Variants in ZNF680 observed in about 807,000 individuals in gnomAD.
The protein encoded by ZNF680 is zinc finger protein 680.
In ZNF680, 6 loss-of-function variants were observed where a neutral mutation model predicts 12.1. That is an observed-to-expected ratio of 0.49 (90% CI 0.27 to 0.98). The LOEUF (loss-of-function observed/expected upper bound fraction) is 0.98, where lower values mean the gene tolerates loss of function less well. Among genes scored for constraint, ZNF680 ranks in the 50% least tolerant of loss-of-function variants. ZNF680 has a pLI of 0.12. For synonymous variants in ZNF680, 170 were observed against 199.3 expected, an observed-to-expected ratio of 0.85 and a Z score of 1.24; for missense variants, 561 against 616.3, an observed-to-expected ratio of 0.91 and a Z score of 0.95.
chr7:64,557,859 G>A (rs969594047), intron 1 of ZNF680, among the ~76,000 whole-genome samples: 2 of 152,192 alleles, frequency 1.3e-5, no homozygotes, highest in Non-Finnish European at 2.9e-5. Context: ...CCTAGTTGAG[G>A]GTGGTGGGTA....
intron 3 of ZNF680, among the ~76,000 whole-genome samples, chr7:64,532,861 T>C (rs1785959498): frequency 1.3e-5 from 2 of 152,238 alleles, no homozygotes; most frequent in Admixed American, 6.5e-5. Flanking sequence ...GATGCAGAGA[T>C]GGTTTAATAT....
chr7:64,546,549 C>T (rs140701380), intron 1 of ZNF680, among the ~76,000 whole-genome samples: 2,678 of 152,278 alleles, frequency 0.018, 85 homozygotes, highest in African/African-American at 0.06. Context: ...CGAGACCAGC[C>T]TGGGCAACAT....
rs1786864413 is a variant in ZNF680 at position 64,547,841 on chromosome 7, G to T, written c.31-3409C>A. Among the ~76,000 whole-genome samples, 4 of 152,130 alleles carry T rather than the reference G, an allele frequency of 2.6e-5. No individual in the cohort carries two copies. In the South Asian group the frequency reaches 8.3e-4, roughly 32 times the overall value. On this transcript the variant is annotated intron_variant, in intron 1 of 3. Transcript: ENST00000309683. Reference sequence around the variant, plus strand: ...GTTTTTATAAAAATAAAAAATTAAGGCCCTAAAATAAATATTTTTCCCATT... The same window carrying T: ...GTTTTTATAAAAATAAAAAATTAAGTCCCTAAAATAAATATTTTTCCCATT...
At chr7:64,512,537 C>G in the ZNF680 span, among the ~76,000 whole-genome samples, 1 of 151,586 alleles carries the variant, frequency 6.6e-6, no homozygotes, top group Non-Finnish European at 1.5e-5. Context: ...ATTCTTGGTC[C>G]ATTCATAAAA....
At chr7:64,555,111 A>T (rs941287133) in intron 1 of ZNF680, among the ~76,000 whole-genome samples, 10 of 152,230 alleles carry the variant, frequency 6.6e-5, no homozygotes, top group African/African-American at 2.4e-4. Flanking sequence ...AGACCCTGTT[A>T]GATTATTAGG....
chr7:64,522,370 A>G lies in ZNF680; in HGVS notation c.384T>C (p.Ser128=), dbSNP rs745386176. 1 of 1,612,280 alleles carries G rather than the reference A, an allele frequency of 6.2e-7. No individual in the cohort carries two copies. Among genetic ancestry groups the G allele is most frequent in the South Asian group, 1.1e-5 (1 of 90,696 alleles). ...CTTTGAACACCTTAGACTCATCCAC[A>G]CTTTTACAACTTATTCTTAATTGTA... ...ENLQLRISCK[S]VDESKVFKEG... Residue 128 remains serine (S), a synonymous_variant, in exon 4 of 4, where the codon AGT becomes AGC. Transcript: ENST00000309683.
chr7:64,521,975 T>C lies in ZNF680; in HGVS notation c.779A>G (p.His260Arg), dbSNP rs765044362. Residue 260 changes from histidine (H) to arginine (R), a missense_variant, in exon 4 of 4, where the codon CAT becomes CGT. Transcript: ENST00000309683. The stretch of plus-strand genomic sequence containing the variant: ...ACATTTGAAGGGTTTCTCTTCAATA[T>C]GAATTTTCTTATGTTTAATAAGGGT... ...SSTLIKHKKI[H>R]IEEKPFKCEE... 3 of 1,612,644 alleles carry C rather than the reference T, an allele frequency of 1.9e-6. No individual in the cohort carries two copies.
intron 1 of ZNF680, among the ~76,000 whole-genome samples, chr7:64,557,607 G>T (rs911081594): frequency 3.3e-5 from 5 of 151,950 alleles, no homozygotes; most frequent in Non-Finnish European, 4.4e-5. Flanking sequence ...TACCAAAAAG[G>T]CCGGGTGCAA....
chr7:64,563,046 C>G lies in ZNF680; in HGVS notation c.-92G>C. The G allele has an allele frequency of 1.4e-6, 2 of 1,468,150 alleles. No individual in the cohort carries two copies. Among genetic ancestry groups the G allele is most frequent in the South Asian group, 2.3e-5 (2 of 87,804 alleles). The allele number at this position is 1,468,150 out of a possible 1,614,324, so 90.9% of individuals were successfully genotyped here. A position where few individuals can be genotyped will look rare whatever the true frequency, so the allele number is the denominator to read the frequency against. ...ATACACAGAGCAGTAAAGACTAGAC[C>G]TGGAGCTCCCGCAGCAGCTAGAGAC... On this transcript the variant is annotated 5_prime_UTR_variant, in exon 1 of 4. Transcript: ENST00000309683.
intron 3 of ZNF680, chr7:64,525,729 T>A (rs1791804008): frequency 1.1e-6 from 1 of 876,066 alleles, no homozygotes; most frequent in African/African-American, 1.8e-5. Context: ...TATGATCGTT[T>A]GTAAATTATC....
chr7:64,522,881 A>T (rs191216806), intron 3 of ZNF680, among the ~76,000 whole-genome samples: 101 of 152,118 alleles, frequency 6.6e-4, no homozygotes, highest in Non-Finnish European at 1.4e-3. Context: ...TCATGAAAAA[A>T]ATAGATATCA....
intron 3 of ZNF680, among the ~76,000 whole-genome samples, chr7:64,542,588 TAAG>T (rs936896896): frequency 3.9e-5 from 6 of 152,190 alleles, no homozygotes; most frequent in African/African-American, 9.7e-5. Context: ...AACTGATTAT[TAAG>T]AAAACAATCT....
Position 64,547,824 on chromosome 7 carries a change from A to G in ZNF680, c.31-3392T>C, listed in dbSNP as rs923454971. Reference sequence around the variant, plus strand: ...CATTTCAGCAAGTACTGGTTTTTATAAAAATAAAAAATTAAGGCCCTAAAA... The same window carrying G: ...CATTTCAGCAAGTACTGGTTTTTATGAAAATAAAAAATTAAGGCCCTAAAA... On this transcript the variant is annotated intron_variant, in intron 1 of 3. Transcript: ENST00000309683. 9.2e-5 allele frequency among the ~76,000 whole-genome samples: 14 copies of G among 152,328 alleles called. No homozygotes were observed. In the East Asian group the frequency reaches 2.5e-3, roughly 27 times the overall value.
At chr7:64,556,833 T>A (rs563449744) in intron 1 of ZNF680, among the ~76,000 whole-genome samples, 9 of 152,326 alleles carry the variant, frequency 5.9e-5, no homozygotes, top group African/African-American at 1.9e-4. Context: ...AAAGAGCTTC[T>A]TCACAGCAAA....
At chr7:64,539,360 AAAAAAAAAAAAAAAAG>A (rs897731239) in intron 3 of ZNF680, among the ~76,000 whole-genome samples, 3 of 137,978 alleles carry the variant, frequency 2.2e-5, no homozygotes, top group African/African-American at 5.6e-5. Context: ...TCAAAAAAAA[AAAAAAAAAAAAAAAAG>A]AAAAGAAAAT....
chr7:64,539,365 A>C (rs1251122890), intron 3 of ZNF680, among the ~76,000 whole-genome samples: 2 of 144,742 alleles, frequency 1.4e-5, no homozygotes, highest in Non-Finnish European at 3.0e-5. Context: ...AAAAAAAAAA[A>C]AAAAAAAAAA....
At chr7:64,540,206 C>T (rs548919924) in intron 3 of ZNF680, among the ~76,000 whole-genome samples, 94 of 151,996 alleles carry the variant, frequency 6.2e-4, no homozygotes, top group Non-Finnish European at 1.1e-3. Context: ...AGAAAGAATA[C>T]CTACAAAATA....
At chr7:64,525,833 T>G in intron 3 of ZNF680, 3 of 984,698 alleles carry the variant, frequency 3.0e-6, no homozygotes, top group Non-Finnish European at 3.6e-6. Flanking sequence ...ACTTCTCACC[T>G]AGTCAAGATT....
chr7:64,534,204 GA>G (rs1195699833), intron 3 of ZNF680, among the ~76,000 whole-genome samples: 1 of 152,030 alleles, frequency 6.6e-6, no homozygotes, highest in Non-Finnish European at 1.5e-5. Context: ...ACAGCAAAAG[GA>G]ACAGTCAGCA....
Sources: gnomAD v4.1 joint callset for allele counts (sites outside exome capture counted in the v4.1 genomes callset) on GRCh38, gnomAD v4.1.1 for gene constraint, MANE v1.5 for transcripts, NCBI Gene and HGNC (gene_info 2026-07-23, HGNC 2026-07-21) for gene names.